ZNF555: variants seen among roughly 807,000 people sequenced by gnomAD.
ZNF555 encodes zinc finger protein 555.
In ZNF555, 10 loss-of-function variants were observed where a neutral mutation model predicts 14.0. The ratio of observed to expected loss-of-function variants is 0.72; its 90% CI spans 0.44 to 1.21. ZNF555 has a LOEUF of 1.21. Ranked by LOEUF, ZNF555 falls within the 50% of genes most tolerant of loss-of-function variation. The pLI, the probability that ZNF555 is intolerant of heterozygous loss-of-function variation, is 0.00. For missense variants in ZNF555, 747 were observed against 762.0 expected (o/e 0.98, Z 0.23); for synonymous variants, 277 against 262.4 (o/e 1.06, Z -0.54).
In ZNF555 at chr19:2,853,394, G is replaced by A. The variant is rs1401063348; in HGVS notation, c.1329G>A (p.Met443Ile). The A allele has an allele frequency of 6.2e-7, 1 of 1,613,912 alleles. No individual in the cohort carries two copies. The highest frequency in any genetic ancestry group is 8.5e-7 in the Non-Finnish European group (1 of 1,179,970). ...FNWPISLRKH[M>I]RTHTREKPYE... ...GGCCCATATCTTTACGAAAACATAT[G>A]AGAACACATACTAGAGAGAAACCCT... The change falls in exon 4 of 4, where the codon ATG (methionine) becomes ATA (isoleucine). Residue 443 changes from methionine (M) to isoleucine (I), a missense_variant. Coordinates refer to ENST00000334241, the MANE Select transcript of ZNF555 (RefSeq NM_152791.5).
In ZNF555 at chr19:2,859,186, T is replaced by A. The variant is rs1390100069; in HGVS notation, c.*5234T>A. ...AAAGAGCTGTGCTTTGTTGGGGCTA[T>A]CTGGGAGTTTCCGCCTTCCATGAAG... is the stretch of plus-strand genomic sequence containing the variant. On this transcript the variant is annotated 3_prime_UTR_variant, in exon 4 of 4. Transcript: ENST00000334241. The A allele has an allele frequency of 6.6e-6, 1 of 152,280 alleles. No individual in the cohort carries two copies. The highest frequency in any genetic ancestry group is 2.4e-5 in the African/African-American group (1 of 41,464). The allele number at this position is 152,280 out of a possible 1,614,324, so 9.4% of individuals were successfully genotyped here. A position where few individuals can be genotyped will look rare whatever the true frequency, so the allele number is the denominator to read the frequency against.
In ZNF555 at chr19:2,853,990, CTG is replaced by C; in HGVS notation, c.*40_*41del. On this transcript the variant is annotated 3_prime_UTR_variant, in exon 4 of 4. Coordinates refer to ENST00000334241, the MANE Select transcript of ZNF555 (RefSeq NM_152791.5). ...GAAAGTGGACACTCAAGGAGTGTGT[CTG>C]TAGTTCATTTGCAAATAAACATTTA... 1 of 1,600,184 alleles carries C rather than the reference CTG, an allele frequency of 6.2e-7. No individual in the cohort carries two copies.
In ZNF555 at chr19:2,853,309, T is replaced by C. The variant is rs553359428; in HGVS notation, c.1244T>C (p.Met415Thr). The C allele has an allele frequency of 1.9e-6, 3 of 1,613,752 alleles. No homozygotes were observed. In the African/African-American group the frequency reaches 4.0e-5, roughly 22 times the overall value. Residue 415 changes from methionine to threonine, a missense_variant, in exon 4 of 4, where the codon ATG becomes ACG. Met to Thr is a moderately conservative substitution (Grantham distance 81, BLOSUM62 -1). Transcript: ENST00000334241. ...CACCCCTCCTCCTTTCGAGGACACA[T>C]GAGGGTGCACACTGGAGAGAAACCC... Reference protein sequence around the residue: ...FSHPSSFRGHMRVHTGEKPYE... With the variant: ...FSHPSSFRGHTRVHTGEKPYE...
chr19:2,848,244 C>T (rs187923760), intron 1 of ZNF555, among the ~76,000 whole-genome samples: 3 of 152,058 alleles, frequency 2.0e-5, no homozygotes, highest in South Asian at 2.1e-4. Flanking sequence ...CTCCGCCTCC[C>T]GGGTTCACGC....
At position 2,853,374 on chromosome 19, in the gene ZNF555, A is replaced by C. The variant is rs759850796; in HGVS notation, c.1309A>C (p.Ile437Leu). Residue 437 changes from isoleucine (I) to leucine (L), a missense_variant, in exon 4 of 4, where the codon ATA becomes CTA. Coordinates refer to ENST00000334241, the MANE Select transcript of ZNF555 (RefSeq NM_152791.5). ...ATGTGGGAAAACTTTCAATTGGCCC[A>C]TATCTTTACGAAAACATATGAGAAC... is the stretch of plus-strand genomic sequence containing the variant. ...KQCGKTFNWP[I>L]SLRKHMRTHT... The C allele has an allele frequency of 3.1e-6, 5 of 1,613,770 alleles. No homozygotes were observed. Among genetic ancestry groups the C allele is most frequent in the Non-Finnish European group, 4.2e-6 (5 of 1,179,940 alleles).
Position 2,850,781 on chromosome 19 carries a change from C to G in ZNF555, c.130+68C>G. 3 of 1,592,168 alleles carry G rather than the reference C, an allele frequency of 1.9e-6. No individual in the cohort carries two copies. In the South Asian group the frequency reaches 3.3e-5, roughly 18 times the overall value. ...AACAAGTATTTCTTACACATCAGAC[C>G]TGTTCCAAGGCTTGGAATGTGGAAA... On this transcript the variant is annotated intron_variant, in intron 2 of 3. Coordinates refer to ENST00000334241, the MANE Select transcript of ZNF555 (RefSeq NM_152791.5).
intron 1 of ZNF555, among the ~76,000 whole-genome samples, chr19:2,841,882 C>T (rs2087539912): frequency 6.6e-6 from 1 of 151,714 alleles, no homozygotes; most frequent in African/African-American, 2.4e-5. Context: ...CCCGACCCCC[C>T]ACGCCCCGCC....
chr19:2,856,688 G>A lies in ZNF555; in HGVS notation c.*2736G>A, dbSNP rs184295355. On this transcript the variant is annotated 3_prime_UTR_variant, in exon 4 of 4. Transcript: ENST00000334241. ...GCTTGTATCAGAGGGTGTTTAAAAG[G>A]ATTTACTATCAGATTTGGCCTTGTG... 1 of 152,322 alleles carries A rather than the reference G, an allele frequency of 6.6e-6. No homozygotes were observed. The highest frequency in any genetic ancestry group is 1.5e-5 in the Non-Finnish European group (1 of 68,038). 9.4% of individuals were successfully genotyped at this position (152,322 alleles called of 1,614,324 possible). A position where few individuals can be genotyped will look rare whatever the true frequency, so the allele number is the denominator to read the frequency against.
rs1599569756 is a variant in ZNF555, at chr19:2,857,135, G to T, written c.*3183G>T. The T allele has an allele frequency of 2.0e-5, 3 of 152,292 alleles. No homozygotes were observed. In the South Asian group the frequency reaches 6.2e-4, roughly 32 times the overall value. 9.4% of individuals were successfully genotyped at this position (152,292 alleles called of 1,614,324 possible). On this transcript the variant is annotated 3_prime_UTR_variant, in exon 4 of 4. Transcript: ENST00000334241. Reference sequence around the variant, plus strand: ...TGTAACACCTTAGAGTTTTATTAAAGAGCAAACAATATCCAGTAATCTCCA... The same window carrying T: ...TGTAACACCTTAGAGTTTTATTAAATAGCAAACAATATCCAGTAATCTCCA...
Position 2,854,270 on chromosome 19 carries a change from G to T in ZNF555, c.*318G>T, listed in dbSNP as rs1056175531. 1.5e-5 allele frequency: 4 copies of T among 261,228 alleles called. No homozygotes were observed. Among genetic ancestry groups the T allele is most frequent in the Admixed American group, 1.5e-4 (3 of 20,102 alleles). 16.2% of individuals were successfully genotyped at this position (261,228 alleles called of 1,614,324 possible). A position where few individuals can be genotyped will look rare whatever the true frequency, so the allele number is the denominator to read the frequency against. ...CTTTTTTACTGGGAGTATTTTTATT[G>T]TTTGGCCAGAGGAGCCTTATTCCAT... On this transcript the variant is annotated 3_prime_UTR_variant, in exon 4 of 4. Coordinates refer to ENST00000334241, the MANE Select transcript of ZNF555 (RefSeq NM_152791.5).
intron 2 of ZNF555, 71 bp downstream of exon 2, chr19:2,850,784 T>C (rs2087622668): frequency 5.7e-6 from 9 of 1,582,304 alleles, no homozygotes; most frequent in Non-Finnish European, 7.8e-6. Context: ...ATCAGACCTG[T>C]TCCAAGGCTT....
Position 2,854,052 on chromosome 19 carries a change from C to G in ZNF555, c.*100C>G. 7.0e-7 allele frequency: 1 copy of G among 1,435,610 alleles called. No individual in the cohort carries two copies. Among genetic ancestry groups the G allele is most frequent in the Non-Finnish European group, 9.4e-7 (1 of 1,060,958 alleles). The allele number at this position is 1,435,610 out of a possible 1,614,324, so 88.9% of individuals were successfully genotyped here. A position where few individuals can be genotyped will look rare whatever the true frequency, so the allele number is the denominator to read the frequency against. On this transcript the variant is annotated 3_prime_UTR_variant, in exon 4 of 4. Transcript: ENST00000334241. ...TAATTCTCCAAATACTCTCAGCTAT[C>G]CTACATGAATTTGAACAGGTAGTTT... is the stretch of plus-strand genomic sequence containing the variant.
rs969675443 is a variant in ZNF555 at position 2,841,499 on chromosome 19, G to C, written c.-74G>C. 1 of 1,543,454 alleles carries C rather than the reference G, an allele frequency of 6.5e-7. No individual in the cohort carries two copies. ...TGTCCTAGCCGTGAGTGCCCCGCCT[G>C]CCCCTAGCGGTCCCTGGCGTCCCGG... On this transcript the variant is annotated 5_prime_UTR_variant, in exon 1 of 4. Transcript: ENST00000334241.
rs755572836 is a variant in ZNF555, at chr19:2,853,545, T to C, written c.1480T>C (p.Ser494Pro). 7.4e-6 allele frequency: 12 copies of C among 1,611,086 alleles called. No individual in the cohort carries two copies. Among genetic ancestry groups the C allele is most frequent in the South Asian group, 1.1e-5 (1 of 90,808 alleles). ...TGGGAAAGCTTTCTATTGCCACATA[T>C]CCTTACAAAAACATATGAGAAGACA... is the stretch of plus-strand genomic sequence containing the variant. Reference protein sequence around the residue: ...LCGKAFYCHISLQKHMRRHTA... With the variant: ...LCGKAFYCHIPLQKHMRRHTA... Residue 494 changes from serine (S) to proline (P), a missense_variant, in exon 4 of 4, where the codon TCC becomes CCC. Coordinates refer to ENST00000334241, the MANE Select transcript of ZNF555 (RefSeq NM_152791.5).
chr19:2,858,746 T>C lies in ZNF555; in HGVS notation c.*4794T>C. ...ACAGCAGCTCCTGCTACTGCATAAA[T>C]CCATAGGCACAATCACACGCCTCAC... On this transcript the variant is annotated 3_prime_UTR_variant, in exon 4 of 4. Coordinates refer to ENST00000334241, the MANE Select transcript of ZNF555 (RefSeq NM_152791.5). 1 of 152,422 alleles carries C rather than the reference T, an allele frequency of 6.6e-6. No homozygotes were observed. Among genetic ancestry groups the C allele is most frequent in the Non-Finnish European group, 1.5e-5 (1 of 68,170 alleles). 9.4% of individuals were successfully genotyped at this position (152,422 alleles called of 1,614,324 possible).
At chr19:2,851,447 T>C in intron 2 of ZNF555, 21 bp from the exon 3 acceptor site, 1 of 1,554,616 alleles carries the variant, frequency 6.4e-7, no homozygotes, top group East Asian at 2.3e-5. Context: ...CTTATATGAT[T>C]TGTTTACTTT....
Position 2,859,614 on chromosome 19 carries a change from C to G in ZNF555, c.*5662C>G, listed in dbSNP as rs755599998. On this transcript the variant is annotated 3_prime_UTR_variant, in exon 4 of 4. Coordinates refer to ENST00000334241, the MANE Select transcript of ZNF555 (RefSeq NM_152791.5). Reference sequence around the variant, plus strand: ...CTTAGAATATGAGCCGTGTCAGGGGCTACAGCATCATCACTCTTGTCCTGT... The same window carrying G: ...CTTAGAATATGAGCCGTGTCAGGGGGTACAGCATCATCACTCTTGTCCTGT... The G allele has an allele frequency of 5.3e-5, 8 of 152,222 alleles. No homozygotes were observed. The highest frequency in any genetic ancestry group is 1.9e-4 in the African/African-American group (8 of 41,406). 9.4% of individuals were successfully genotyped at this position (152,222 alleles called of 1,614,324 possible).
intron 1 of ZNF555, among the ~76,000 whole-genome samples, chr19:2,843,322 C>G (rs1321272916): frequency 6.6e-6 from 1 of 152,120 alleles, no homozygotes; most frequent in Non-Finnish European, 1.5e-5. Context: ...GCCGCCATGC[C>G]TAAGCTTTTG....
At chr19:2,842,104 C>T (rs1356742227) in intron 1 of ZNF555, among the ~76,000 whole-genome samples, 1 of 152,086 alleles carries the variant, frequency 6.6e-6, no homozygotes, top group Non-Finnish European at 1.5e-5. Flanking sequence ...CCCGCGCCTC[C>T]GGCCGCGGTC....
Sources: gnomAD v4.1 joint callset for allele counts (sites outside exome capture counted in the v4.1 genomes callset) on GRCh38, gnomAD v4.1.1 for gene constraint, MANE v1.5 for transcripts, NCBI Gene and HGNC (gene_info 2026-07-23, HGNC 2026-07-21) for gene names.